Variants in OR8B2 observed in about 807,000 individuals in gnomAD.
OR8B2 encodes olfactory receptor 8B2.
For synonymous variants in OR8B2, 98 were observed against 138.2 expected (o/e 0.71, Z 2.04); for missense variants, 304 against 379.6 (o/e 0.80, Z 1.65).
chr11:124,382,800 G>C lies in OR8B2; in HGVS notation c.544C>G (p.Leu182Val), dbSNP rs1860620150. The C allele has an allele frequency of 6.2e-7, 1 of 1,602,664 alleles. No homozygotes were observed. Among genetic ancestry groups the C allele is most frequent in the Non-Finnish European group, 8.5e-7 (1 of 1,170,536 alleles). ...NIINHYLCDI[L>V]PLLQLSCTST... The stretch of plus-strand genomic sequence containing the variant: ...GTGCAGGAAAGCTGGAGGAGGGGGA[G>C]TATGTCACACAAGTAATGGTTGATG... Residue 182 changes from leucine (L) to valine (V), a missense_variant, in exon 2 of 2, where the codon CTC (leucine) becomes GTC (valine). Physicochemically the swap from Leu to Val is conservative, Grantham distance 32. Transcript: ENST00000641451.
the OR8B2 span, among the ~76,000 whole-genome samples, chr11:124,390,701 T>C: frequency 4.6e-5 from 7 of 152,162 alleles, no homozygotes; most frequent in African/African-American, 1.7e-4. Flanking sequence ...TTCTAGCCTG[T>C]GTTTGCCTAT....
chr11:124,383,324 G>A lies in OR8B2; in HGVS notation c.20C>T (p.Ser7Phe). Residue 7 changes from serine (S) to phenylalanine (F), a missense_variant, in exon 2 of 2, where the codon TCC becomes TTC. By Grantham distance (155) the Ser-to-Phe change is radical. Transcript: ENST00000641451. MLARNN[S>F]LVTEFILAGL... ...AGCAAGAATAAATTCAGTCACTAAG[G>A]AGTTGTTTCTAGCCAGCATTTTTTG... 1.2e-6 allele frequency: 2 copies of A among 1,607,634 alleles called. No individual in the cohort carries two copies. Among genetic ancestry groups the A allele is most frequent in the Non-Finnish European group, 1.7e-6 (2 of 1,177,530 alleles).
upstream of OR8B2, among the ~76,000 whole-genome samples, chr11:124,388,580 ATG>A (rs1261484336): frequency 6.6e-6 from 1 of 152,226 alleles, no homozygotes; most frequent in African/African-American, 2.4e-5. Context: ...ACTTGACCAG[ATG>A]TATTCTGCTC....
At chr11:124,388,712 A>G (rs144809636), upstream of OR8B2, among the ~76,000 whole-genome samples, 49 of 152,358 alleles carry the variant, frequency 3.2e-4, no homozygotes, top group African/African-American at 1.1e-3. Flanking sequence ...CTGTGAACAC[A>G]GAAAGTAGGC....
the OR8B2 span, chr11:124,396,216 A>G: frequency 5.3e-6 from 3 of 561,380 alleles, no homozygotes; most frequent in East Asian, 5.9e-5. Flanking sequence ...GCCATGACCT[A>G]TTTAGTAAAA....
At chr11:124,396,777 G>A in the OR8B2 span, 45 of 1,613,488 alleles carry the variant, frequency 2.8e-5, no homozygotes, top group Admixed American at 2.8e-4. Context: ...GTTGACATAG[G>A]TGCTGGTGCA....
At chr11:124,392,899 C>T in the OR8B2 span, among the ~76,000 whole-genome samples, 9 of 149,836 alleles carry the variant, frequency 6.0e-5, no homozygotes, top group Admixed American at 2.7e-4. Flanking sequence ...CAGCATGGTA[C>T]GGGTACCAAA....
In OR8B2 at chr11:124,382,944, C is replaced by A. The variant is rs758450869; in HGVS notation, c.400G>T (p.Val134Phe). Residue 134 changes from valine (V) to phenylalanine (F), a missense_variant, in exon 2 of 2, where the codon GTC becomes TTC. By Grantham distance (50) the Val-to-Phe change is conservative (BLOSUM62 -1). Coordinates refer to ENST00000641451, the MANE Select transcript of OR8B2 (RefSeq NM_001005468.2). ...GAACAGACCTGATGGGACATGGTGA[C>A]CTTATACAGCAATGGATTACAGATG... is the stretch of plus-strand genomic sequence containing the variant. The part of the protein sequence containing the change: ...VAICNPLLYK[V>F]TMSHQVCSML... 1.2e-6 allele frequency: 2 copies of A among 1,611,852 alleles called. No homozygotes were observed. Among genetic ancestry groups the A allele is most frequent in the African/African-American group, 2.7e-5 (2 of 74,728 alleles).
chr11:124,385,025 T>C (rs1860676921), upstream of OR8B2, among the ~76,000 whole-genome samples: 1 of 152,198 alleles, frequency 6.6e-6, no homozygotes, highest in Admixed American at 6.5e-5. Flanking sequence ...GCATACTTTA[T>C]AGGCAAAAAG....
chr11:124,385,042 AAAAG>A (rs1167031568), upstream of OR8B2, among the ~76,000 whole-genome samples: 4 of 152,208 alleles, frequency 2.6e-5, no homozygotes, highest in African/African-American at 9.7e-5. Context: ...AAAGAAAAGA[AAAAG>A]AATAAAGAAA....
chr11:124,396,403 C>T, the OR8B2 span: 1 of 1,585,640 alleles, frequency 6.3e-7, no homozygotes, highest in Non-Finnish European at 8.6e-7. Context: ...ATTATTACTG[C>T]TTCTAATTAG....
At chr11:124,395,110 T>C in the OR8B2 span, among the ~76,000 whole-genome samples, 1 of 151,326 alleles carries the variant, frequency 6.6e-6, no homozygotes, top group African/African-American at 2.4e-5. Flanking sequence ...TACACAAAAG[T>C]TAATCTAAAA....
chr11:124,392,980 C>A, the OR8B2 span, among the ~76,000 whole-genome samples: 1 of 145,420 alleles, frequency 6.9e-6, no homozygotes, highest in Non-Finnish European at 1.5e-5. Context: ...ACTATCTGAT[C>A]TTTGACAAAC....
At chr11:124,386,195 G>A (rs192928353), upstream of OR8B2, among the ~76,000 whole-genome samples, 64 of 150,560 alleles carry the variant, frequency 4.3e-4, no homozygotes, top group East Asian at 0.012. Context: ...CCCTGGGAGC[G>A]AACACCATTT....
the OR8B2 span, among the ~76,000 whole-genome samples, chr11:124,395,036 A>G: frequency 6.6e-6 from 1 of 152,000 alleles, no homozygotes; most frequent in Non-Finnish European, 1.5e-5. Context: ...GTAGGGAGGC[A>G]TGATGGTGTG....
chr11:124,389,572 A>G, the OR8B2 span, among the ~76,000 whole-genome samples: 2 of 152,146 alleles, frequency 1.3e-5, no homozygotes, highest in Non-Finnish European at 2.9e-5. Context: ...GGGCTCTCAC[A>G]TGTAGTTTTT....
At chr11:124,388,544 G>A (rs972107096), upstream of OR8B2, among the ~76,000 whole-genome samples, 20 of 152,210 alleles carry the variant, frequency 1.3e-4, no homozygotes, top group South Asian at 1.5e-3. Context: ...ACAGGAGCCC[G>A]GAGATTGGCA....
intron 1 of OR8B2, among the ~76,000 whole-genome samples, chr11:124,383,783 G>A (rs1055821559): frequency 2.6e-5 from 4 of 152,144 alleles, no homozygotes; most frequent in Non-Finnish European, 5.9e-5. Context: ...AGACCATACT[G>A]ATATTCTGTT....
In OR8B2 at chr11:124,382,776, T is replaced by C. The variant is rs1374622130; in HGVS notation, c.568A>G (p.Thr190Ala). 1 of 1,613,046 alleles carries C rather than the reference T, an allele frequency of 6.2e-7. No individual in the cohort carries two copies. The highest frequency in any genetic ancestry group is 8.5e-7 in the Non-Finnish European group (1 of 1,179,356). ...ACCACCTCGTTGACATAGGTGCTGG[T>C]GCAGGAAAGCTGGAGGAGGGGGAGT... The part of the protein sequence containing the change: ...DILPLLQLSC[T>A]STYVNEVVVL... The change falls in exon 2 of 2, where the codon ACC becomes GCC. Residue 190 changes from threonine to alanine, a missense_variant. Transcript: ENST00000641451.
Sources: allele counts gnomAD v4.1 joint callset (sites outside exome capture counted in the v4.1 genomes callset), GRCh38; gene constraint gnomAD v4.1.1; transcripts MANE v1.5; gene names NCBI Gene and HGNC (gene_info 2026-07-23, HGNC 2026-07-21).